The following PTPRG variants were observed in gnomAD, a reference collection of about 807,000 sequenced individuals.
PTPRG encodes the protein protein tyrosine phosphatase receptor type G.
In PTPRG, 102 loss-of-function variants were observed where a neutral mutation model predicts 165.3. That is an observed-to-expected ratio of 0.62 (90% CI 0.53 to 0.73). PTPRG has a LOEUF of 0.73. PTPRG is among the 30% of genes least tolerant of loss of function. The pLI is 0.00. For synonymous variants in PTPRG, 675 were observed against 669.5 expected (o/e 1.01, Z -0.13); for missense variants, 1,866 against 1,861.4 (o/e 1.00, Z -0.05).
intron 1 of PTPRG, among the ~76,000 whole-genome samples, chr3:61,627,882 G>A (rs532309137): frequency 6.6e-6 from 1 of 152,318 alleles, no homozygotes; most frequent in African/African-American, 2.4e-5. Context: ...CAAATGAGGT[G>A]TGGTTTAATG....
intron 4 of PTPRG, among the ~76,000 whole-genome samples, chr3:62,047,993 G>T (rs972255564): frequency 4.6e-5 from 7 of 152,062 alleles, no homozygotes; most frequent in African/African-American, 7.2e-5. Context: ...TTAGTAACCT[G>T]GCGCTCCATT....
intron 1 of PTPRG, among the ~76,000 whole-genome samples, chr3:61,608,838 G>A (rs1701085138): frequency 6.6e-6 from 1 of 152,196 alleles, no homozygotes; most frequent in African/African-American, 2.4e-5. Flanking sequence ...CTAGATGATG[G>A]AAGGATTTCA....
intron 4 of PTPRG, among the ~76,000 whole-genome samples, chr3:62,010,094 T>C (rs1233204376): frequency 6.6e-6 from 1 of 152,142 alleles, no homozygotes; most frequent in Non-Finnish European, 1.5e-5. Flanking sequence ...ATGTTTTTTA[T>C]TTTTTGTAGA....
intron 2 of PTPRG, among the ~76,000 whole-genome samples, chr3:61,753,837 C>T (rs987349233): frequency 3.9e-5 from 6 of 152,002 alleles, no homozygotes; most frequent in Admixed American, 6.5e-5. Context: ...CTCAGGTGAT[C>T]GGCCTGTCTC....
chr3:61,613,543 C>T (rs966083300), intron 1 of PTPRG, among the ~76,000 whole-genome samples: 3 of 152,142 alleles, frequency 2.0e-5, no homozygotes, highest in Non-Finnish European at 4.4e-5. Flanking sequence ...TTAAAACCCA[C>T]CCAATTACAG....
intron 2 of PTPRG, among the ~76,000 whole-genome samples, chr3:61,915,093 G>A (rs1487513245): frequency 1.3e-5 from 2 of 152,180 alleles, no homozygotes; most frequent in Admixed American, 6.5e-5. Flanking sequence ...GCCGGGCGTG[G>A]TGGTGCGTGC....
chr3:61,632,584 T>C (rs1419098402), intron 1 of PTPRG, among the ~76,000 whole-genome samples: 3 of 152,158 alleles, frequency 2.0e-5, no homozygotes, highest in Non-Finnish European at 2.9e-5. Context: ...ACAGCAGCCA[T>C]TGTCAGTTTG....
At chr3:61,628,136 G>C (rs1157865027) in intron 1 of PTPRG, among the ~76,000 whole-genome samples, 2 of 152,134 alleles carry the variant, frequency 1.3e-5, no homozygotes, top group Non-Finnish European at 2.9e-5. Flanking sequence ...GTATATGTTG[G>C]AGTGCCGACT....
rs373083698 is a variant in PTPRG at position 62,149,146 on chromosome 3, C to G, written c.683-7921C>G. Among the ~76,000 whole-genome samples the G allele has an allele frequency of 5.3e-5, 8 of 152,264 alleles. No homozygotes were observed. The East Asian group carries it at 9.7e-4, about 18-fold the overall frequency. On this transcript the variant is annotated intron_variant, in intron 6 of 29. Coordinates refer to ENST00000474889, the MANE Select transcript of PTPRG (RefSeq NM_002841.4). ...CCCATGCTGTCATTCCCATTACATC[C>G]TACTTATTAATGACAGAACGATGAC...
intron 5 of PTPRG, among the ~76,000 whole-genome samples, chr3:62,106,754 C>T (rs1478284524): frequency 6.6e-6 from 1 of 152,168 alleles, no homozygotes; most frequent in East Asian, 1.9e-4. Flanking sequence ...GGAACAGAAA[C>T]AGCAGTCTTG....
intron 2 of PTPRG, among the ~76,000 whole-genome samples, chr3:61,871,108 C>CTGTTATGTTATGTTA (rs200340668): frequency 3.9e-5 from 5 of 127,040 alleles, no homozygotes; most frequent in African/African-American, 1.5e-4. Context: ...CCTACATTCC[C>CTGTTATGTTATGTTA]TGTTATGTTA....
chr3:61,940,649 T>TTTTATTTA (rs113689837), intron 2 of PTPRG, among the ~76,000 whole-genome samples: 3 of 140,644 alleles, frequency 2.1e-5, no homozygotes, highest in Non-Finnish European at 4.7e-5. Context: ...CAGTAGATGC[T>TTTTATTTA]TTTATTTATT....
intron 15 of PTPRG, among the ~76,000 whole-genome samples, chr3:62,251,993 A>C (rs1054121109): frequency 1.3e-5 from 2 of 152,188 alleles, no homozygotes; most frequent in Admixed American, 6.5e-5. Flanking sequence ...TTTTCCTCTC[A>C]TTCTACCAGC....
At chr3:62,050,503 G>A (rs1294771204) in intron 4 of PTPRG, among the ~76,000 whole-genome samples, 1 of 152,204 alleles carries the variant, frequency 6.6e-6, no homozygotes, top group African/African-American at 2.4e-5. Flanking sequence ...ACATATCCCT[G>A]TTGTTAAGTG....
chr3:61,744,784 A>G (rs1345480062), intron 1 of PTPRG, among the ~76,000 whole-genome samples: 1 of 152,044 alleles, frequency 6.6e-6, no homozygotes, highest in Non-Finnish European at 1.5e-5. Context: ...TGCCCTGTTC[A>G]TTTCTGAACA....
chr3:61,972,551 C>A (rs1187008960), intron 2 of PTPRG, among the ~76,000 whole-genome samples: 2 of 151,978 alleles, frequency 1.3e-5, no homozygotes, highest in Non-Finnish European at 2.9e-5. Flanking sequence ...GACAGGTGAT[C>A]CAGCATGGGA....
intron 1 of PTPRG, among the ~76,000 whole-genome samples, chr3:61,724,592 T>G (rs1182328793): frequency 3.3e-5 from 5 of 152,146 alleles, no homozygotes; most frequent in African/African-American, 1.2e-4. Flanking sequence ...TTTCCCACTC[T>G]ACACTCCCAC....
At chr3:61,625,829 T>C (rs1419338652) in intron 1 of PTPRG, among the ~76,000 whole-genome samples, 1 of 152,174 alleles carries the variant, frequency 6.6e-6, no homozygotes, top group Non-Finnish European at 1.5e-5. Flanking sequence ...TATAAAAATT[T>C]AAAAATGTTG....
At chr3:61,901,600 C>T (rs369632320) in intron 2 of PTPRG, among the ~76,000 whole-genome samples, 5 of 152,200 alleles carry the variant, frequency 3.3e-5, no homozygotes, top group Admixed American at 6.5e-5. Flanking sequence ...TTCCCTCAGT[C>T]CACAGAGAAG....
Sources: gnomAD v4.1 joint callset for allele counts (sites outside exome capture counted in the v4.1 genomes callset) on GRCh38, gnomAD v4.1.1 for gene constraint, MANE v1.5 for transcripts, NCBI Gene and HGNC (gene_info 2026-07-23, HGNC 2026-07-21) for gene names.